Variants in PHF3 observed in about 807,000 individuals in gnomAD.
PHF3 encodes the protein PHD finger protein 3.
In PHF3, 41 loss-of-function variants were observed where a neutral mutation model predicts 178.4. The observed-to-expected ratio is 0.23, with a 90% CI of 0.18 to 0.30. PHF3 has a LOEUF of 0.30. Among genes scored for constraint, PHF3 ranks in the 10% least tolerant of loss-of-function variants. The pLI is 1.00. For synonymous variants in PHF3, 842 were observed against 800.5 expected, an observed-to-expected ratio of 1.05 and a Z score of -0.88; for missense variants, 2,346 against 2,398.1, an observed-to-expected ratio of 0.98 and a Z score of 0.45.
In PHF3 at chr6:63,698,670, G is replaced by A; in HGVS notation, c.2982+65G>A. 4.6e-6 allele frequency: 5 copies of A among 1,086,894 alleles called. 1 individual carries two copies. The highest frequency in any genetic ancestry group is 3.8e-5 in the South Asian group (2 of 53,064). The allele number at this position is 1,086,894 out of a possible 1,614,324, so 67.3% of individuals were successfully genotyped here. A position where few individuals can be genotyped will look rare whatever the true frequency, so the allele number is the denominator to read the frequency against. ...CCTGAGTACATAGGTATCTCAGATT[G>A]TAATACAGTAGATCTATAATTTATT... On this transcript the variant is annotated intron_variant, in intron 8 of 15. Coordinates refer to ENST00000262043, the MANE Select transcript of PHF3 (RefSeq NM_001370348.2).
intron 2 of PHF3, among the ~76,000 whole-genome samples, chr6:63,658,467 C>T (rs1452261683): frequency 6.6e-6 from 1 of 152,044 alleles, no homozygotes; most frequent in Admixed American, 6.6e-5. Context: ...GAACCAGTGA[C>T]TCTTTTAATT....
At chr6:63,697,238 A>C (rs1369219723) in intron 6 of PHF3, among the ~76,000 whole-genome samples, 1 of 152,156 alleles carries the variant, frequency 6.6e-6, no homozygotes, top group Admixed American at 6.5e-5. Flanking sequence ...GGAAGAACTA[A>C]TGTAGGTAGG....
At chr6:63,673,939 TTCAG>T (rs1348658132) in intron 2 of PHF3, among the ~76,000 whole-genome samples, 1 of 152,158 alleles carries the variant, frequency 6.6e-6, no homozygotes, top group Non-Finnish European at 1.5e-5. Context: ...GAGAAAAACA[TTCAG>T]TCAAAGGATA....
chr6:63,662,169 C>T (rs901450915), intron 2 of PHF3, among the ~76,000 whole-genome samples: 9 of 152,090 alleles, frequency 5.9e-5, no homozygotes, highest in African/African-American at 1.9e-4. Context: ...CCCCCTCATC[C>T]GTGGAAAAAT....
rs964205287 is a variant in PHF3 at position 63,719,344 on chromosome 6, C to G, written c.*5636C>G. 6.6e-6 allele frequency among the ~76,000 whole-genome samples: 1 copy of G among 151,798 alleles called. No homozygotes were observed. Among genetic ancestry groups the G allele is most frequent in the African/African-American group, 2.4e-5 (1 of 41,288 alleles). On this transcript the variant is annotated 3_prime_UTR_variant, in exon 16 of 16. Transcript: ENST00000262043. ...CCCTTATTTTTTGTAAATCTTTTCTCTAATTACTTGATGATTAATTTCATA... is the reference window on the plus strand; with the variant it reads ...CCCTTATTTTTTGTAAATCTTTTCTGTAATTACTTGATGATTAATTTCATA...
rs1252480590 is a variant in PHF3, at chr6:63,720,335, T to G, written c.*6627T>G. ...ATAGGTAAAAAGTGAATAAGCAAAGTGAATAAGCACATTCTGTGAATAAGC... is the reference window on the plus strand; with the variant it reads ...ATAGGTAAAAAGTGAATAAGCAAAGGGAATAAGCACATTCTGTGAATAAGC... On this transcript the variant is annotated 3_prime_UTR_variant, in exon 16 of 16. Transcript: ENST00000262043. 2 of 407,900 alleles carry G rather than the reference T, an allele frequency of 4.9e-6. No homozygotes were observed. Among genetic ancestry groups the G allele is most frequent in the Admixed American group, 8.1e-5 (2 of 24,608 alleles). 25.3% of individuals were successfully genotyped at this position (407,900 alleles called of 1,614,324 possible). A position where few individuals can be genotyped will look rare whatever the true frequency, so the allele number is the denominator to read the frequency against.
rs757321929 is a variant in PHF3 at position 63,712,633 on chromosome 6, C to T, written c.5045C>T (p.Pro1682Leu). The change falls in exon 16 of 16, where the codon CCT becomes CTT. Residue 1682 changes from proline to leucine, a missense_variant. Pro to Leu is a moderately conservative substitution (Grantham distance 98). Transcript: ENST00000262043. Reference sequence around the variant, plus strand: ...CGGAATGGAGAAAAACACATGCTGCCTGGCCTGTCACACAACAAGGAGCAC... The same window carrying T: ...CGGAATGGAGAAAAACACATGCTGCTTGGCCTGTCACACAACAAGGAGCAC... ...SCRNGEKHMLPGLSHNKEHLT... is the reference protein window; with the variant it reads ...SCRNGEKHMLLGLSHNKEHLT... 34 of 1,613,816 alleles carry T rather than the reference C, an allele frequency of 2.1e-5. No homozygotes were observed. In the South Asian group the frequency reaches 3.4e-4, roughly 16 times the overall value.
At chr6:63,667,165 C>T (rs1765716900) in intron 2 of PHF3, among the ~76,000 whole-genome samples, 1 of 152,074 alleles carries the variant, frequency 6.6e-6, no homozygotes, top group African/African-American at 2.4e-5. Flanking sequence ...TTTTGATATG[C>T]TGTTGGTTTT....
rs116365286 is a variant in PHF3 at position 63,712,609 on chromosome 6, G to A, written c.5021G>A (p.Arg1674Gln). The A allele has an allele frequency of 3.7e-3, 5,989 of 1,613,838 alleles. 18 individuals are homozygous for A. Among genetic ancestry groups the A allele is most frequent in the Middle Eastern group, 0.024 (146 of 6,060 alleles). ...GAAAGCAAAGATGGAGATAGTTGCC[G>A]GAATGGAGAAAAACACATGCTGCCT... ...TSESKDGDSC[R>Q]NGEKHMLPGL... Residue 1674 changes from arginine (R) to glutamine (Q), a missense_variant, in exon 16 of 16, where the codon CGG becomes CAG. Coordinates refer to ENST00000262043, the MANE Select transcript of PHF3 (RefSeq NM_001370348.2).
intron 5 of PHF3, among the ~76,000 whole-genome samples, chr6:63,693,257 C>A (rs1017885509): frequency 5.3e-5 from 8 of 152,126 alleles, no homozygotes; most frequent in Non-Finnish European, 1.2e-4. Flanking sequence ...TATACATATG[C>A]AGTACAATGA....
chr6:63,662,762 A>T (rs1219199332), intron 2 of PHF3, among the ~76,000 whole-genome samples: 1 of 152,238 alleles, frequency 6.6e-6, no homozygotes, highest in Non-Finnish European at 1.5e-5. Context: ...ACATAACAAG[A>T]ACGATAAATT....
chr6:63,656,898 A>G (rs989328005), intron 2 of PHF3, among the ~76,000 whole-genome samples: 3 of 152,156 alleles, frequency 2.0e-5, no homozygotes, highest in African/African-American at 7.2e-5. Context: ...GGCTTGCTGC[A>G]TTGTTAGGTT....
chr6:63,643,830 A>G (rs937290859), intron 1 of PHF3, among the ~76,000 whole-genome samples: 1 of 152,210 alleles, frequency 6.6e-6, no homozygotes, highest in Non-Finnish European at 1.5e-5. Context: ...ATCGATCTTC[A>G]AGAAATATAT....
intron 13 of PHF3, among the ~76,000 whole-genome samples, chr6:63,708,224 A>C (rs1229030231): frequency 6.6e-6 from 1 of 152,164 alleles, no homozygotes; most frequent in African/African-American, 2.4e-5. Context: ...AGTTTGCTTG[A>C]TATTTTAAAA....
chr6:63,712,125 G>A lies in PHF3; in HGVS notation c.4537G>A (p.Val1513Met), dbSNP rs202018648. 10 of 1,613,338 alleles carry A rather than the reference G, an allele frequency of 6.2e-6. No homozygotes were observed. Among genetic ancestry groups the A allele is most frequent in the Non-Finnish European group, 8.5e-6 (10 of 1,179,844 alleles). The change falls in exon 16 of 16, where the codon GTG (valine) becomes ATG (methionine). Residue 1513 changes from valine (V) to methionine (M), a missense_variant. This residue lies in a region of PHF3 where 839 missense variants were observed against 806.9 expected (regional missense o/e 1.04). Coordinates refer to ENST00000262043, the MANE Select transcript of PHF3 (RefSeq NM_001370348.2). ...TNSKIEKTDN[V>M]EVTDGENKEI... Reference sequence around the variant, plus strand: ...CTCAAAAATAGAGAAAACAGATAATGTGGAAGTAACTGATGGTGAAAACAA... The same window carrying A: ...CTCAAAAATAGAGAAAACAGATAATATGGAAGTAACTGATGGTGAAAACAA...
chr6:63,721,001 T>C lies in PHF3; in HGVS notation c.*7293T>C, dbSNP rs61754905. The C allele has an allele frequency of 2.2e-3, 3,466 of 1,551,264 alleles. 57 individuals are homozygous for C. In the African/African-American group the frequency reaches 0.042, roughly 19 times the overall value. ...TCAAGGTCTGATTATGGAGACCAAT[T>C]GCCAGAAAATCATTTTCTTCATTTT... On this transcript the variant is annotated 3_prime_UTR_variant, in exon 16 of 16. Coordinates refer to ENST00000262043, the MANE Select transcript of PHF3 (RefSeq NM_001370348.2).
chr6:63,670,247 G>T (rs1186512587), intron 2 of PHF3, among the ~76,000 whole-genome samples: 2 of 152,004 alleles, frequency 1.3e-5, no homozygotes, highest in Non-Finnish European at 2.9e-5. Flanking sequence ...ATGTGATGGA[G>T]TAGAGGTGTT....
In PHF3 at chr6:63,723,436, T is replaced by A. The variant is rs1187127164; in HGVS notation, c.*9728T>A. Among the ~76,000 whole-genome samples the A allele has an allele frequency of 6.6e-6, 1 of 152,176 alleles. No individual in the cohort carries two copies. The highest frequency in any genetic ancestry group is 1.5e-5 in the Non-Finnish European group (1 of 68,020). On this transcript the variant is annotated 3_prime_UTR_variant, in exon 16 of 16. Transcript: ENST00000262043. ...ACAAACCAGTTATCTTTTGCAAGAT[T>A]ATGGAGGAAGCTTTTCTTGCTCCTT... is the stretch of plus-strand genomic sequence containing the variant.
chr6:63,699,630 C>CTCCAGAGTCTAGAGTCTT (rs1184308015), intron 8 of PHF3, among the ~76,000 whole-genome samples: 1 of 151,882 alleles, frequency 6.6e-6, no homozygotes, highest in Non-Finnish European at 1.5e-5. Context: ...CTTGCCCTGT[C>CTCCAGAGTCTAGAGTCTT]GCCCAGGTTG....
Sources: gnomAD v4.1 joint callset for allele counts (sites outside exome capture counted in the v4.1 genomes callset) on GRCh38, gnomAD v4.1.1 for gene constraint, gnomAD v4.1.1 regional missense constraint, MANE v1.5 for transcripts, NCBI Gene and HGNC (gene_info 2026-07-23, HGNC 2026-07-21) for gene names.